The following DENND2B variants were observed in gnomAD, a reference collection of about 807,000 sequenced individuals.
The protein encoded by DENND2B is DENN domain containing 2B, also known as DENN domain-containing protein 2B.
DENND2B carries 32 observed loss-of-function variants against 116.0 expected under a neutral mutation model. The ratio of observed to expected loss-of-function variants is 0.28; its 90% confidence interval spans 0.21 to 0.37. DENND2B has a LOEUF of 0.37. Ranked by LOEUF, DENND2B falls within the 10% of genes least tolerant of loss-of-function variation. The pLI, the probability that DENND2B is intolerant of heterozygous loss-of-function variation, is 1.00. For missense variants in DENND2B, 1,276 were observed against 1,477.7 expected (o/e 0.86, Z 2.24); for synonymous variants, 588 against 583.9 (o/e 1.01, Z -0.10).
At chr11:8,856,265 A>G (rs1251137448) in intron 3 of DENND2B, among the ~76,000 whole-genome samples, 1 of 152,232 alleles carries the variant, frequency 6.6e-6, no homozygotes. Flanking sequence ...ATGTTAAATG[A>G]TCCAGGATTT....
intron 2 of DENND2B, 114 bp from the exon 3 acceptor site, chr11:8,731,323 CT>C: frequency 9.8e-7 from 1 of 1,019,644 alleles, no homozygotes; most frequent in Non-Finnish European, 1.4e-6. Context: ...CTGGAGGACT[CT>C]CAAAGAGTAT....
At chr11:8,735,309 G>A (rs11042055) in intron 2 of DENND2B, among the ~76,000 whole-genome samples, 51,350 of 151,974 alleles carry the variant, frequency 0.34, 10,794 homozygotes, top group Non-Finnish European at 0.45. Flanking sequence ...AGGCACCTCT[G>A]TCAATAGCCA....
In DENND2B at chr11:8,730,027, G is replaced by A. The variant is rs2047838900; in HGVS notation, c.1263C>T (p.Pro421=). ...PPSPTPAAPP[P]LPSTPAPPVT... is the part of the protein sequence containing the mutation. ...CTGGCGGGGCTGGGGTGGAGGGCAA[G>A]GGAGGTGGAGCAGCAGGTGTGGGTG... The change falls in exon 3 of 20, where the codon CCC becomes CCT. Residue 421 remains proline (P), a synonymous_variant. Transcript: ENST00000313726. This position sits in a 1 kb window ranked among gnomAD's most constrained non-coding sequence, Gnocchi z 4.1. The A allele has an allele frequency of 2.5e-6, 4 of 1,614,116 alleles. No individual in the cohort carries two copies. Among genetic ancestry groups the A allele is most frequent in the Non-Finnish European group, 3.4e-6 (4 of 1,180,048 alleles).
chr11:8,748,397 C>A (rs904803099), intron 2 of DENND2B, among the ~76,000 whole-genome samples: 4 of 152,242 alleles, frequency 2.6e-5, no homozygotes, highest in Admixed American at 1.3e-4. Flanking sequence ...CCCAGGAGAA[C>A]CCTCTGAGTT....
chr11:8,746,612 G>A (rs550285602), intron 2 of DENND2B, among the ~76,000 whole-genome samples: 1 of 152,306 alleles, frequency 6.6e-6, no homozygotes, highest in South Asian at 2.1e-4. Context: ...TCTTAGTTGG[G>A]TGGTCAAGAA....
chr11:8,731,172 G>C lies in DENND2B; in HGVS notation c.118C>G (p.Pro40Ala), dbSNP rs1240865350. The C allele has an allele frequency of 6.5e-7, 1 of 1,537,572 alleles. No homozygotes were observed. The part of the protein sequence containing the change: ...SVSPPPVLSP[P>A]RSPIYPLSDS... Reference sequence around the variant, plus strand: ...CTGAGCGGGTAGATGGGACTCCTTGGTGGGGAGAGAACTGGAGGTGGAGAG... The same window carrying C: ...CTGAGCGGGTAGATGGGACTCCTTGCTGGGGAGAGAACTGGAGGTGGAGAG... The change falls in exon 3 of 20, where the codon CCA becomes GCA. Residue 40 changes from proline (P) to alanine (A), a missense_variant. By Grantham distance (27) the Pro-to-Ala change is conservative (BLOSUM62 -1). Coordinates refer to ENST00000313726, the MANE Select transcript of DENND2B (RefSeq NM_213618.2).
chr11:8,704,985 T>C (rs909247149), intron 13 of DENND2B, among the ~76,000 whole-genome samples: 1 of 152,116 alleles, frequency 6.6e-6, no homozygotes, highest in African/African-American at 2.4e-5. Flanking sequence ...TACAAGCACA[T>C]GAGCCACGGT....
intron 2 of DENND2B, among the ~76,000 whole-genome samples, chr11:8,736,135 C>T (rs896627806): frequency 6.6e-6 from 1 of 152,168 alleles, no homozygotes; most frequent in African/African-American, 2.4e-5. Flanking sequence ...CGAAGGAAGC[C>T]ACCTATCACC....
chr11:8,732,412 C>G (rs777635256), intron 2 of DENND2B, among the ~76,000 whole-genome samples: 2 of 152,232 alleles, frequency 1.3e-5, no homozygotes, highest in African/African-American at 4.8e-5. Flanking sequence ...TGAACTTCCA[C>G]TACACTGGGC....
Position 8,702,932 on chromosome 11 carries a change from G to A in DENND2B, c.2572-212C>T. 3.3e-6 allele frequency: 2 copies of A among 606,114 alleles called. No individual in the cohort carries two copies. The allele number at this position is 606,114 out of a possible 1,614,324, so 37.5% of individuals were successfully genotyped here. A position where few individuals can be genotyped will look rare whatever the true frequency, so the allele number is the denominator to read the frequency against. ...CGAACACCCAGCCTGTGGGCAAGAG[G>A]GCTGCCTGTGAAAGCGGGGAAGGCT... On this transcript the variant is annotated intron_variant, in intron 13 of 19. Coordinates refer to ENST00000313726, the MANE Select transcript of DENND2B (RefSeq NM_213618.2). This position sits in a 1 kb window ranked among gnomAD's most constrained non-coding sequence, Gnocchi z 4.6.
At chr11:8,845,036 C>G (rs2062763478) in intron 3 of DENND2B, among the ~76,000 whole-genome samples, 2 of 152,068 alleles carry the variant, frequency 1.3e-5, no homozygotes, top group Admixed American at 6.5e-5. Flanking sequence ...GCCACCACAT[C>G]CAGGCTATAA....
At chr11:8,716,831 A>G (rs2044923316) in intron 5 of DENND2B, among the ~76,000 whole-genome samples, 1 of 152,118 alleles carries the variant, frequency 6.6e-6, no homozygotes, top group African/African-American at 2.4e-5. Context: ...TATTTTTAGT[A>G]GAGATGAGGT....
At chr11:8,859,600 G>T (rs920797861) in intron 2 of DENND2B, among the ~76,000 whole-genome samples, 1 of 152,170 alleles carries the variant, frequency 6.6e-6, no homozygotes, top group Non-Finnish European at 1.5e-5. Flanking sequence ...GAGCCACCGC[G>T]CCCGGCCACG....
At chr11:8,774,196 A>G in intron 1 of DENND2B, 2 of 985,474 alleles carry the variant, frequency 2.0e-6, no homozygotes, top group South Asian at 9.4e-5. Context: ...GGTTCTTGAC[A>G]ACTGCAGCTG....
rs368966752 is a variant in DENND2B at position 8,696,316 on chromosome 11, T to TTA, written c.3292+109_3292+110dup. ...AGTTTCTAACAGAGGTAAAGGGATG[T>TTA]TAAGAGGCCTGGCCCTAGCTGATGT... On this transcript the variant is annotated intron_variant, in intron 18 of 19. Coordinates refer to ENST00000313726, the MANE Select transcript of DENND2B (RefSeq NM_213618.2). The TTA allele has an allele frequency of 2.3e-4, 343 of 1,482,582 alleles. 3 individuals carry two copies. In the African/African-American group the frequency reaches 4.6e-3, roughly 20 times the overall value. 91.8% of individuals were successfully genotyped at this position (1,482,582 alleles called of 1,614,324 possible). A position where few individuals can be genotyped will look rare whatever the true frequency, so the allele number is the denominator to read the frequency against.
At chr11:8,741,063 C>T (rs774856785) in intron 2 of DENND2B, among the ~76,000 whole-genome samples, 5 of 152,216 alleles carry the variant, frequency 3.3e-5, no homozygotes, top group African/African-American at 7.2e-5. Context: ...GCTCCCAAAG[C>T]AAGCATCTCA....
intron 2 of DENND2B, among the ~76,000 whole-genome samples, chr11:8,736,219 G>A (rs934558222): frequency 6.6e-6 from 1 of 152,140 alleles, no homozygotes; most frequent in Non-Finnish European, 1.5e-5. Context: ...GATATATTGA[G>A]CACCAAGTCT....
intron 1 of DENND2B, among the ~76,000 whole-genome samples, chr11:8,798,376 G>C (rs776934539): frequency 6.6e-6 from 1 of 152,184 alleles, no homozygotes; most frequent in African/African-American, 2.4e-5. Context: ...GTAGAAGATG[G>C]AATCCCAGGG....
intron 2 of DENND2B, among the ~76,000 whole-genome samples, chr11:8,876,591 T>C (rs1274899999): frequency 6.6e-6 from 1 of 152,112 alleles, no homozygotes; most frequent in Non-Finnish European, 1.5e-5. Flanking sequence ...CTAATACTCA[T>C]TTAGATAAAG....
Sources: allele counts gnomAD v4.1 joint callset (sites outside exome capture counted in the v4.1 genomes callset), GRCh38; gene constraint gnomAD v4.1.1; non-coding constraint Gnocchi (gnomAD v3.1); transcripts MANE v1.5; gene names NCBI Gene and HGNC (gene_info 2026-07-23, HGNC 2026-07-21).